Variants in DLG2 observed in about 807,000 individuals in gnomAD.
DLG2 encodes discs large MAGUK scaffold protein 2.
DLG2 carries 45 observed loss-of-function variants against 132.5 expected under a neutral mutation model. The ratio of observed to expected loss-of-function variants is 0.34; its 90% confidence interval spans 0.27 to 0.44. DLG2 has a LOEUF of 0.44. DLG2 is among the 20% of genes least tolerant of loss of function. The pLI is 1.00. For synonymous variants in DLG2, 424 were observed against 419.6 expected, an observed-to-expected ratio of 1.01 and a Z score of -0.13; for missense variants, 1,045 against 1,196.9, an observed-to-expected ratio of 0.87 and a Z score of 1.87.
intron 19 of DLG2, among the ~76,000 whole-genome samples, chr11:83,625,106 G>A (rs1361555678): frequency 1.4e-4 from 21 of 152,198 alleles, no homozygotes; most frequent in Non-Finnish European, 8.8e-5. Flanking sequence ...ATGAATGTGT[G>A]CAATAAAAAT....
chr11:84,613,811 C>G (rs2154538311), intron 6 of DLG2, among the ~76,000 whole-genome samples: 1 of 152,214 alleles, frequency 6.6e-6, no homozygotes, highest in South Asian at 2.1e-4. Flanking sequence ...AGATTCCTTG[C>G]CTAAGAGCAG....
intron 6 of DLG2, among the ~76,000 whole-genome samples, chr11:84,596,471 C>G (rs1009018208): frequency 6.6e-6 from 1 of 151,528 alleles, no homozygotes; most frequent in African/African-American, 2.4e-5. Context: ...GATCTGCTCA[C>G]CTCGGTCTCC....
At chr11:83,943,961 A>T (rs988445599) in intron 14 of DLG2, among the ~76,000 whole-genome samples, 6 of 152,296 alleles carry the variant, frequency 3.9e-5, no homozygotes, top group Non-Finnish European at 5.9e-5. Flanking sequence ...GGATTAAATG[A>T]GATAATATAC....
chr11:83,515,592 T>C (rs1346133895), intron 21 of DLG2, among the ~76,000 whole-genome samples: 3 of 152,228 alleles, frequency 2.0e-5, no homozygotes, highest in Non-Finnish European at 1.5e-5. Flanking sequence ...CTCTTGCTTC[T>C]CTAGTTCTTT....
chr11:85,146,891 A>C (rs2076897519), intron 5 of DLG2, among the ~76,000 whole-genome samples: 1 of 152,208 alleles, frequency 6.6e-6, no homozygotes, highest in Admixed American at 6.5e-5. Flanking sequence ...CCCCAAACTC[A>C]GGTTCCTACC....
intron 8 of DLG2, among the ~76,000 whole-genome samples, chr11:84,180,138 A>T (rs1193385062): frequency 6.6e-6 from 1 of 152,182 alleles, no homozygotes; most frequent in Non-Finnish European, 1.5e-5. Context: ...TTAATGAAAA[A>T]ACTAGACAAC....
At chr11:83,721,655 A>G (rs1188325949) in intron 18 of DLG2, among the ~76,000 whole-genome samples, 2 of 152,262 alleles carry the variant, frequency 1.3e-5, no homozygotes, top group Admixed American at 6.5e-5. Flanking sequence ...AGGAAAGCAC[A>G]GCAAGAAAAC....
intron 11 of DLG2, among the ~76,000 whole-genome samples, chr11:84,034,492 G>T (rs1257095644): frequency 6.6e-6 from 1 of 152,010 alleles, no homozygotes; most frequent in Admixed American, 6.6e-5. Context: ...CAAAAATTTT[G>T]AAGCTTTTCC....
At chr11:85,393,629 ATGTGTGTG>A (rs35765389) in intron 3 of DLG2, among the ~76,000 whole-genome samples, 2 of 143,812 alleles carry the variant, frequency 1.4e-5, no homozygotes, top group Admixed American at 7.0e-5. Flanking sequence ...TGGTATGCAT[ATGTGTGTG>A]TGTGTGTGTG....
intron 6 of DLG2, among the ~76,000 whole-genome samples, chr11:84,852,117 G>A (rs1018648789): frequency 6.6e-6 from 1 of 151,956 alleles, no homozygotes; most frequent in Non-Finnish European, 1.5e-5. Flanking sequence ...CTACCTGCAG[G>A]AAATCTGCAG....
At chr11:84,100,782 C>G (rs899722311) in intron 9 of DLG2, among the ~76,000 whole-genome samples, 2 of 152,024 alleles carry the variant, frequency 1.3e-5, no homozygotes, top group African/African-American at 2.4e-5. Context: ...GGTTCAATGT[C>G]AAGATAAGAT....
intron 11 of DLG2, among the ~76,000 whole-genome samples, chr11:84,051,655 G>A (rs2096384876): frequency 1.3e-5 from 2 of 150,570 alleles, no homozygotes; most frequent in African/African-American, 2.4e-5. Context: ...GATAGCATTA[G>A]GAGATATACC....
At chr11:84,273,231 C>A (rs1392354903) in intron 7 of DLG2, 3 of 1,567,848 alleles carry the variant, frequency 1.9e-6, no homozygotes, top group Non-Finnish European at 2.6e-6. Context: ...TAATTCTCAG[C>A]CCGAGAAACA....
intron 15 of DLG2, among the ~76,000 whole-genome samples, chr11:83,881,841 T>C (rs989125739): frequency 2.0e-5 from 3 of 152,218 alleles, no homozygotes; most frequent in Non-Finnish European, 4.4e-5. Flanking sequence ...TAATTAAATG[T>C]TGCAAAAATG....
At chr11:84,785,713 A>G (rs1022376165) in intron 6 of DLG2, among the ~76,000 whole-genome samples, 5 of 152,200 alleles carry the variant, frequency 3.3e-5, no homozygotes, top group African/African-American at 9.6e-5. Context: ...TTTTTAAATA[A>G]TATCTTTATG....
At chr11:83,693,246 T>TG (rs2081297645) in intron 18 of DLG2, among the ~76,000 whole-genome samples, 1 of 152,162 alleles carries the variant, frequency 6.6e-6, no homozygotes, top group Admixed American at 6.5e-5. Context: ...CCATGCTGGG[T>TG]CTGGGGGCAT....
chr11:84,997,841 A>T (rs1408800274), intron 6 of DLG2: 1 of 152,120 alleles, frequency 6.6e-6, no homozygotes, highest in Non-Finnish European at 1.5e-5. Context: ...TCATTCACCG[A>T]GTTCTGTGAG....
chr11:84,167,000 T>C (rs1201196237), intron 8 of DLG2: 2 of 533,350 alleles, frequency 3.7e-6, no homozygotes, highest in African/African-American at 1.9e-5. Context: ...CCCGGAGAGC[T>C]TCACAGTTGG....
At chr11:83,743,117 A>T (rs190251926) in intron 18 of DLG2, among the ~76,000 whole-genome samples, 4 of 152,340 alleles carry the variant, frequency 2.6e-5, no homozygotes, top group Non-Finnish European at 4.4e-5. Context: ...AGGCCAGGTC[A>T]TAGGTAGGCC....
Sources: gnomAD v4.1 joint callset for allele counts (sites outside exome capture counted in the v4.1 genomes callset) on GRCh38, gnomAD v4.1.1 for gene constraint, MANE v1.5 for transcripts, NCBI Gene and HGNC (gene_info 2026-07-23, HGNC 2026-07-21) for gene names.